GRIK4: variants seen among roughly 807,000 people sequenced by gnomAD.
GRIK4 encodes the protein glutamate ionotropic receptor kainate type subunit 4.
GRIK4 carries 40 observed loss-of-function variants against 104.9 expected under a neutral mutation model. The ratio of observed to expected loss-of-function variants is 0.38; its 90% CI spans 0.30 to 0.50. The LOEUF is 0.50. GRIK4 is among the 20% of genes least tolerant of loss of function. GRIK4 has a pLI of 0.93. For missense variants in GRIK4, 1,047 were observed against 1,308.1 expected, an observed-to-expected ratio of 0.80 and a Z score of 3.08; for synonymous variants, 485 against 524.9, an observed-to-expected ratio of 0.92 and a Z score of 1.04.
At chr11:120,624,011 G>A (rs184818502) in intron 1 of GRIK4, among the ~76,000 whole-genome samples, 16 of 137,096 alleles carry the variant, frequency 1.2e-4, no homozygotes, top group Admixed American at 3.1e-4. Flanking sequence ...TCCCCTTTCC[G>A]CCCTGCCTCT....
At chr11:120,922,837 G>C (rs995679824) in intron 13 of GRIK4, among the ~76,000 whole-genome samples, 1 of 152,210 alleles carries the variant, frequency 6.6e-6, no homozygotes, top group African/African-American at 2.4e-5. Context: ...GCAGCCTTCA[G>C]ATAGGCTGCC....
At chr11:120,566,850 C>T (rs1217394784) in intron 1 of GRIK4, among the ~76,000 whole-genome samples, 11 of 151,538 alleles carry the variant, frequency 7.3e-5, no homozygotes, top group East Asian at 3.9e-4. Flanking sequence ...ACTACAGGCG[C>T]GTGCCATCAC....
chr11:120,937,976 A>T (rs1369734769), intron 13 of GRIK4, among the ~76,000 whole-genome samples: 1 of 151,994 alleles, frequency 6.6e-6, no homozygotes, highest in Admixed American at 6.6e-5. Flanking sequence ...TTTTTTTTTT[A>T]AAGAACCAGA....
chr11:120,829,309 A>G (rs1953360255), intron 6 of GRIK4, among the ~76,000 whole-genome samples: 2 of 152,132 alleles, frequency 1.3e-5, no homozygotes, highest in Non-Finnish European at 2.9e-5. Flanking sequence ...AGCTTTTCAC[A>G]TCATCTCTGA....
chr11:120,773,189 G>A (rs534009993), intron 3 of GRIK4, among the ~76,000 whole-genome samples: 1 of 152,316 alleles, frequency 6.6e-6, no homozygotes, highest in South Asian at 2.1e-4. Flanking sequence ...CTAAGAAGGA[G>A]CAGAGACAGC....
chr11:120,909,715 G>C (rs1219625415), intron 13 of GRIK4, among the ~76,000 whole-genome samples: 1 of 152,182 alleles, frequency 6.6e-6, no homozygotes, highest in Admixed American at 6.5e-5. Context: ...GGTTGACCAA[G>C]GAATCTCTTT....
intron 1 of GRIK4, among the ~76,000 whole-genome samples, chr11:120,617,806 T>C (rs1949135949): frequency 6.6e-6 from 1 of 152,224 alleles, no homozygotes; most frequent in Non-Finnish European, 1.5e-5. Context: ...CAGATGCTGC[T>C]GTGCTTTCTG....
chr11:120,629,499 C>A (rs1035655733), intron 1 of GRIK4, among the ~76,000 whole-genome samples: 3 of 152,110 alleles, frequency 2.0e-5, no homozygotes, highest in Non-Finnish European at 4.4e-5. Flanking sequence ...GCCACTCTGT[C>A]CTCCTGCCCT....
chr11:120,873,900 T>C (rs1954685704), intron 9 of GRIK4, 166 bp from the exon 10 acceptor site: 3 of 598,882 alleles, frequency 5.0e-6, no homozygotes, highest in Non-Finnish European at 8.8e-6. Context: ...GAAGTAGAGC[T>C]GGCCCAGAGA....
At chr11:120,811,461 T>A (rs1221514256) in intron 4 of GRIK4, among the ~76,000 whole-genome samples, 1 of 152,224 alleles carries the variant, frequency 6.6e-6, no homozygotes, top group Non-Finnish European at 1.5e-5. Flanking sequence ...CTTTAATTTC[T>A]CTCTGTTGAT....
At chr11:120,944,468 T>C (rs1943808609) in intron 14 of GRIK4, among the ~76,000 whole-genome samples, 1 of 152,164 alleles carries the variant, frequency 6.6e-6, no homozygotes, top group Non-Finnish European at 1.5e-5. Context: ...CACTTATGCC[T>C]CCTTCCCTGT....
chr11:120,876,390 AGCCTCATC>A, intron 11 of GRIK4, among the ~76,000 whole-genome samples: 1 of 117,658 alleles, frequency 8.5e-6, no homozygotes, highest in Admixed American at 8.4e-5. Flanking sequence ...CACCACCACC[AGCCTCATC>A]ATCACAACCA....
intron 3 of GRIK4, among the ~76,000 whole-genome samples, chr11:120,663,078 T>C (rs1437365716): frequency 2.0e-5 from 3 of 152,230 alleles, no homozygotes; most frequent in African/African-American, 7.2e-5. Flanking sequence ...CTCACACATA[T>C]GTCAACCCCT....
At chr11:120,772,280 TTATTA>T (rs1265715939) in intron 3 of GRIK4, among the ~76,000 whole-genome samples, 2 of 152,190 alleles carry the variant, frequency 1.3e-5, no homozygotes, top group African/African-American at 4.8e-5. Flanking sequence ...GAATATAAAT[TTATTA>T]TATTTCTCAG....
intron 3 of GRIK4, among the ~76,000 whole-genome samples, chr11:120,700,386 G>T (rs918200977): frequency 6.6e-6 from 1 of 150,820 alleles, no homozygotes; most frequent in Non-Finnish European, 1.5e-5. Context: ...CGATTCTCCT[G>T]CCTCAGCCTC....
chr11:120,739,517 G>T (rs971289567), intron 3 of GRIK4, among the ~76,000 whole-genome samples: 5 of 152,222 alleles, frequency 3.3e-5, no homozygotes, highest in African/African-American at 1.2e-4. Flanking sequence ...TGAGGTTAGA[G>T]TTGCAGGGAC....
At chr11:120,596,760 T>G (rs1189289955) in intron 1 of GRIK4, among the ~76,000 whole-genome samples, 1 of 152,006 alleles carries the variant, frequency 6.6e-6, no homozygotes, top group Non-Finnish European at 1.5e-5. Context: ...AGTGTCACTT[T>G]GTCGCCCAGG....
intron 15 of GRIK4, among the ~76,000 whole-genome samples, chr11:120,954,346 G>A (rs1281728729): frequency 2.0e-5 from 3 of 151,678 alleles, no homozygotes; most frequent in East Asian, 1.9e-4. Context: ...AACCCCTCTC[G>A]GGCCTGTAGG....
At chr11:120,564,759 G>GTGGCTGC (rs1438786909) in intron 1 of GRIK4, 4 of 152,360 alleles carry the variant, frequency 2.6e-5, no homozygotes, top group African/African-American at 9.6e-5. Context: ...GCGCGCGGAG[G>GTGGCTGC]TGGCTGCTGG....
Sources: gnomAD v4.1 joint callset for allele counts (sites outside exome capture counted in the v4.1 genomes callset) on GRCh38, gnomAD v4.1.1 for gene constraint, MANE v1.5 for transcripts, NCBI Gene and HGNC (gene_info 2026-07-23, HGNC 2026-07-21) for gene names.